Variants in ARHGAP20 observed in about 807,000 individuals in gnomAD.
The protein encoded by ARHGAP20 is rho GTPase-activating protein 20.
ARHGAP20 carries 34 observed loss-of-function variants against 73.7 expected under a neutral mutation model. The observed-to-expected ratio is 0.46, with a 90% CI of 0.35 to 0.61. The LOEUF (loss-of-function observed/expected upper bound fraction) is 0.61, where lower values mean the gene tolerates loss of function less well. Ranked by LOEUF, ARHGAP20 falls within the 20% of genes least tolerant of loss-of-function variation. The probability of loss-of-function intolerance (pLI) is 0.00; values close to 1 mark genes in which losing one functional copy is unlikely to be tolerated. For synonymous variants in ARHGAP20, 523 were observed against 518.2 expected (o/e 1.01, Z -0.13); for missense variants, 1,314 against 1,420.9 (o/e 0.92, Z 1.21).
At chr11:110,592,827 T>A (rs1311320546) in intron 9 of ARHGAP20, among the ~76,000 whole-genome samples, 1 of 152,232 alleles carries the variant, frequency 6.6e-6, no homozygotes, top group Non-Finnish European at 1.5e-5. Context: ...TTCCTTTCTT[T>A]GCAACTGTAG....
intron 4 of ARHGAP20, among the ~76,000 whole-genome samples, chr11:110,621,812 C>A (rs1302878341): frequency 1.3e-5 from 2 of 152,102 alleles, no homozygotes; most frequent in Non-Finnish European, 2.9e-5. Flanking sequence ...AGATTGTATT[C>A]TGGACATTAC....
intron 2 of ARHGAP20, among the ~76,000 whole-genome samples, chr11:110,661,750 G>C (rs1949617592): frequency 6.6e-6 from 1 of 152,116 alleles, no homozygotes; most frequent in South Asian, 2.1e-4. Context: ...TTAAGACACT[G>C]TTAGTGAGGC....
intron 1 of ARHGAP20, among the ~76,000 whole-genome samples, chr11:110,702,253 T>A (rs1950467537): frequency 6.6e-6 from 1 of 152,144 alleles, no homozygotes; most frequent in Non-Finnish European, 1.5e-5. Context: ...ATAAATTTAA[T>A]CCAGCATATA....
intron 9 of ARHGAP20, among the ~76,000 whole-genome samples, chr11:110,600,915 C>G (rs558527430): frequency 2.0e-5 from 3 of 152,138 alleles, no homozygotes; most frequent in African/African-American, 7.2e-5. Context: ...TACTAGGAGG[C>G]CTTCTCTACA....
Position 110,712,179 on chromosome 11 carries a change from G to C in ARHGAP20, c.53C>G (p.Ser18Cys). The C allele has an allele frequency of 7.3e-7, 1 of 1,366,586 alleles. No individual in the cohort carries two copies. The highest frequency in any genetic ancestry group is 9.5e-7 in the Non-Finnish European group (1 of 1,054,340). The allele number at this position is 1,366,586 out of a possible 1,614,324, so 84.7% of individuals were successfully genotyped here. The change falls in exon 1 of 15, where the codon TCC (serine) becomes TGC (cysteine). Residue 18 changes from serine to cysteine, a missense_variant. Physicochemically the swap from Ser to Cys is moderately radical, Grantham distance 112. This residue lies in a region of ARHGAP20 where 443 missense variants were observed against 466.4 expected (regional missense o/e 0.95). Transcript: ENST00000683387. ...QETLGGQPGR[S>C]SSLTGVSRLA... ...CCGAGACACTCCTGTCAGGGAAGAG[G>C]AGCGCCCCGGCTGTCCCCCTAGAGT...
At chr11:110,649,749 T>C (rs570215485) in intron 2 of ARHGAP20, among the ~76,000 whole-genome samples, 49 of 152,264 alleles carry the variant, frequency 3.2e-4, no homozygotes, top group Middle Eastern at 3.4e-3. Flanking sequence ...AAGCCAGACC[T>C]GGAAAAACGG....
chr11:110,690,515 A>G (rs369698844), intron 2 of ARHGAP20, 32 bp downstream of exon 2: 5 of 1,579,652 alleles, frequency 3.2e-6, no homozygotes, highest in Non-Finnish European at 4.4e-6. Context: ...CCAAGCACAT[A>G]CTGAATGTGT....
At chr11:110,710,327 T>G (rs1950622960) in intron 1 of ARHGAP20, among the ~76,000 whole-genome samples, 1 of 152,044 alleles carries the variant, frequency 6.6e-6, no homozygotes, top group Non-Finnish European at 1.5e-5. Context: ...AAAAAGAATG[T>G]GGGAAAAGAG....
Position 110,583,669 on chromosome 11 carries a change from A to G in ARHGAP20, c.1484T>C (p.Ile495Thr). 1 of 1,612,242 alleles carries G rather than the reference A, an allele frequency of 6.2e-7. No individual in the cohort carries two copies. Among genetic ancestry groups the G allele is most frequent in the Non-Finnish European group, 8.5e-7 (1 of 1,178,752 alleles). Residue 495 changes from isoleucine (I) to threonine (T), a missense_variant, in exon 13 of 15, where the codon ATT becomes ACT. Ile to Thr is a moderately conservative substitution (Grantham distance 89). Coordinates refer to ENST00000683387, the MANE Select transcript of ARHGAP20 (RefSeq NM_001384657.1). Reference sequence around the variant, plus strand: ...CTGATTGGATGAGGAATGTTGCTCAATGTTGTGTAACACCCCAAAAAGATA... The same window carrying G: ...CTGATTGGATGAGGAATGTTGCTCAGTGTTGTGTAACACCCCAAAAAGATA... ...LRYLFGVLHN[I>T]EQHSSSNQMT...
rs149981653 is a variant in ARHGAP20 at position 110,709,560 on chromosome 11, G to C, written c.105+2567C>G. 3.5e-3 allele frequency among the ~76,000 whole-genome samples: 532 copies of C among 152,284 alleles called. 3 individuals are homozygous for C. Among genetic ancestry groups the C allele is most frequent in the African/African-American group, 0.012 (497 of 41,550 alleles). ...CTTCCACTTAGGTAGTCAATGGCAG[G>C]CCTCTGCTAGAACCTACGATCTGAC... On this transcript the variant is annotated intron_variant, in intron 1 of 14. Coordinates refer to ENST00000683387, the MANE Select transcript of ARHGAP20 (RefSeq NM_001384657.1).
chr11:110,582,277 A>T, intron 14 of ARHGAP20, 44 bp downstream of exon 14: 1 of 1,450,156 alleles, frequency 6.9e-7, no homozygotes. Context: ...ACAAACAACC[A>T]TGTGTCTGTT....
At chr11:110,614,099 C>A (rs150272950) in intron 6 of ARHGAP20, among the ~76,000 whole-genome samples, 1 of 152,184 alleles carries the variant, frequency 6.6e-6, no homozygotes, top group East Asian at 1.9e-4. Flanking sequence ...GGGATTCAAT[C>A]CCTAAAAACT....
chr11:110,600,374 G>A (rs1274259977), intron 9 of ARHGAP20, among the ~76,000 whole-genome samples: 1 of 152,224 alleles, frequency 6.6e-6, no homozygotes, highest in African/African-American at 2.4e-5. Flanking sequence ...AGCTGCTGGT[G>A]GTGTGCCTGG....
chr11:110,633,216 T>C (rs1220348433), intron 2 of ARHGAP20, among the ~76,000 whole-genome samples: 1 of 152,128 alleles, frequency 6.6e-6, no homozygotes, highest in Non-Finnish European at 1.5e-5. Context: ...CTAGCACCAT[T>C]TACACCAAAG....
chr11:110,606,374 G>T (rs1440801467), intron 9 of ARHGAP20, among the ~76,000 whole-genome samples, 187 bp downstream of exon 9: 1 of 152,204 alleles, frequency 6.6e-6, no homozygotes, highest in Non-Finnish European at 1.5e-5. Flanking sequence ...GCTACTAGCT[G>T]CTGATTCCTA....
intron 1 of ARHGAP20, among the ~76,000 whole-genome samples, chr11:110,696,586 T>G (rs997190236): frequency 6.6e-6 from 1 of 150,608 alleles, no homozygotes; most frequent in African/African-American, 2.5e-5. Flanking sequence ...TCTAGATTCA[T>G]GTGCATGTGC....
At chr11:110,674,968 G>A (rs748782876) in intron 2 of ARHGAP20, among the ~76,000 whole-genome samples, 4 of 152,114 alleles carry the variant, frequency 2.6e-5, no homozygotes, top group African/African-American at 4.8e-5. Context: ...TGTACAGAAC[G>A]TGCAGTTTTG....
chr11:110,708,553 T>C (rs1288263940), intron 1 of ARHGAP20, among the ~76,000 whole-genome samples: 2 of 152,128 alleles, frequency 1.3e-5, no homozygotes, highest in Non-Finnish European at 2.9e-5. Flanking sequence ...TGCTCAGCAA[T>C]GAAATGAACT....
intron 1 of ARHGAP20, among the ~76,000 whole-genome samples, chr11:110,703,974 G>A (rs1235545867): frequency 3.3e-5 from 5 of 152,164 alleles, no homozygotes; most frequent in Non-Finnish European, 7.4e-5. Flanking sequence ...CTCGCCTGAA[G>A]GCCAAGAGGC....
Sources: allele counts gnomAD v4.1 joint callset (sites outside exome capture counted in the v4.1 genomes callset), GRCh38; gene constraint gnomAD v4.1.1; regional missense constraint gnomAD v4.1.1; transcripts MANE v1.5; gene names NCBI Gene and HGNC (gene_info 2026-07-23, HGNC 2026-07-21).